The following TASP1 variants were observed in gnomAD, a reference collection of about 807,000 sequenced individuals.
TASP1 encodes taspase 1.
A neutral mutation model predicts 56.6 loss-of-function variants in TASP1; 16 were observed. The ratio of observed to expected loss-of-function variants is 0.28; its 90% CI spans 0.19 to 0.43. TASP1 has a LOEUF of 0.43. Among genes scored for constraint, TASP1 ranks in the 20% least tolerant of loss-of-function variants. TASP1 has a pLI of 1.00. For missense variants in TASP1, 393 were observed against 511.6 expected (o/e 0.77, Z 2.24); for synonymous variants, 179 against 184.2 (o/e 0.97, Z 0.23).
chr20:13,286,913 G>A, the TASP1 span, among the ~76,000 whole-genome samples: 5 of 152,244 alleles, frequency 3.3e-5, no homozygotes, highest in African/African-American at 4.8e-5. Context: ...CTTGGCAGCA[G>A]CAGAGGGCCC....
the TASP1 span, among the ~76,000 whole-genome samples, chr20:13,225,110 C>T: frequency 4.6e-5 from 7 of 152,058 alleles, no homozygotes; most frequent in South Asian, 1.2e-3. Context: ...GCCTTGGCCT[C>T]CCAAAGTGCT....
the TASP1 span, among the ~76,000 whole-genome samples, chr20:13,134,361 G>A: frequency 6.6e-6 from 1 of 152,174 alleles, no homozygotes; most frequent in Non-Finnish European, 1.5e-5. Context: ...ATTCTTGTCT[G>A]CAGGCATGTC....
At chr20:13,587,571 C>CA (rs1307806847) in intron 4 of TASP1, among the ~76,000 whole-genome samples, 1 of 147,588 alleles carries the variant, frequency 6.8e-6, no homozygotes, top group African/African-American at 2.5e-5. Context: ...AAATATTGAC[C>CA]AAAAAAACAT....
the TASP1 span, chr20:13,238,253 T>C: frequency 6.6e-6 from 1 of 152,172 alleles, no homozygotes; most frequent in African/African-American, 2.4e-5. Flanking sequence ...ATGGTGACTT[T>C]TGGGGACTAA....
Position 13,434,949 on chromosome 20 carries a change from G to A in TASP1, c.1096+95C>T, listed in dbSNP as rs1304966054. On this transcript the variant is annotated intron_variant, in intron 12 of 13. Coordinates refer to ENST00000337743, the MANE Select transcript of TASP1 (RefSeq NM_017714.3). ...ATCAATAAAGCATGCTGACCCTCCC[G>A]CAGTTTAAAATTATTGACTTAAGGG... 1.8e-5 allele frequency: 14 copies of A among 794,062 alleles called. 1 individual carries two copies. Among genetic ancestry groups the A allele is most frequent in the South Asian group, 8.2e-5 (4 of 48,730 alleles). 49.2% of individuals were successfully genotyped at this position (794,062 alleles called of 1,614,324 possible). A position where few individuals can be genotyped will look rare whatever the true frequency, so the allele number is the denominator to read the frequency against.
the TASP1 span, among the ~76,000 whole-genome samples, chr20:13,366,745 C>T: frequency 2.0e-5 from 3 of 152,268 alleles, no homozygotes; most frequent in South Asian, 4.2e-4. Context: ...AATAGATACA[C>T]TCTCTCCGAC....
chr20:13,496,654 G>C (rs1410697223), intron 10 of TASP1, among the ~76,000 whole-genome samples: 1 of 151,980 alleles, frequency 6.6e-6, no homozygotes, highest in Admixed American at 6.6e-5. Flanking sequence ...ACATAAAGGG[G>C]CTCCAGTGCC....
At chr20:13,242,504 C>T in the TASP1 span, among the ~76,000 whole-genome samples, 2 of 151,828 alleles carry the variant, frequency 1.3e-5, no homozygotes, top group East Asian at 1.9e-4. Flanking sequence ...AGGAAAAGCC[C>T]GAGAAGGTCC....
chr20:13,139,881 A>ATGG, the TASP1 span, among the ~76,000 whole-genome samples: 44 of 152,372 alleles, frequency 2.9e-4, no homozygotes, highest in Non-Finnish European at 3.2e-4. Flanking sequence ...AGGACTGAAT[A>ATGG]TGGATCTCTC....
At chr20:13,347,246 A>T in the TASP1 span, among the ~76,000 whole-genome samples, 1 of 152,092 alleles carries the variant, frequency 6.6e-6, no homozygotes, top group African/African-American at 2.4e-5. Context: ...GCTTCCTCCA[A>T]CTCTCTGGCT....
chr20:13,403,699 T>C (rs969853659), intron 13 of TASP1, among the ~76,000 whole-genome samples: 5 of 152,070 alleles, frequency 3.3e-5, no homozygotes, highest in African/African-American at 1.2e-4. Flanking sequence ...CTGGGGAACA[T>C]AGCAAGACCC....
the TASP1 span, among the ~76,000 whole-genome samples, chr20:13,271,035 A>G: frequency 6.6e-6 from 1 of 152,258 alleles, no homozygotes; most frequent in Non-Finnish European, 1.5e-5. Flanking sequence ...ACAGTGAAAT[A>G]TAAAAGCAAA....
intron 13 of TASP1, among the ~76,000 whole-genome samples, chr20:13,394,641 A>G (rs1314109231): frequency 6.6e-6 from 1 of 150,778 alleles, no homozygotes; most frequent in Non-Finnish European, 1.5e-5. Flanking sequence ...TTTTTTTTTT[A>G]AAGTATAGAC....
At chr20:13,128,595 AC>A in the TASP1 span, among the ~76,000 whole-genome samples, 3 of 152,292 alleles carry the variant, frequency 2.0e-5, no homozygotes, top group African/African-American at 7.2e-5. Context: ...ATATGGCCAC[AC>A]CCCTGAAAAG....
the TASP1 span, chr20:13,126,777 A>C: frequency 1.3e-6 from 2 of 1,590,654 alleles, no homozygotes; most frequent in Non-Finnish European, 1.7e-6. Flanking sequence ...CTGCCTCATT[A>C]ATCTCCCCGC....
At chr20:13,139,687 T>C in the TASP1 span, among the ~76,000 whole-genome samples, 9 of 152,184 alleles carry the variant, frequency 5.9e-5, no homozygotes, top group African/African-American at 2.2e-4. Context: ...ACTATGTGCC[T>C]AGGAGAGGAA....
intron 11 of TASP1, among the ~76,000 whole-genome samples, chr20:13,466,223 C>G (rs2044254367): frequency 2.0e-5 from 3 of 151,862 alleles, no homozygotes. Flanking sequence ...AAATTGGAAA[C>G]CTGCACTGAA....
At chr20:13,617,030 T>C in intron 4 of TASP1, 1 of 454,916 alleles carries the variant, frequency 2.2e-6, no homozygotes, top group South Asian at 1.6e-5. Flanking sequence ...AAGGTGGAAA[T>C]TCTTGGGAGA....
At chr20:13,298,998 A>G in the TASP1 span, 3 of 1,613,500 alleles carry the variant, frequency 1.9e-6, no homozygotes, top group Admixed American at 1.7e-5. Flanking sequence ...AAAGAAGTAC[A>G]TGCACAAGGT....
Sources: gnomAD v4.1 joint callset for allele counts (sites outside exome capture counted in the v4.1 genomes callset) on GRCh38, gnomAD v4.1.1 for gene constraint, MANE v1.5 for transcripts, NCBI Gene and HGNC (gene_info 2026-07-23, HGNC 2026-07-21) for gene names.